The following WDR19 variants were observed in gnomAD, a reference collection of about 807,000 sequenced individuals.
WDR19 encodes the protein WD repeat-containing protein 19.
Under a neutral mutation model 180.0 loss-of-function variants are expected in WDR19, and 121 were observed. The ratio of observed to expected loss-of-function variants is 0.67; its 90% CI spans 0.58 to 0.78. The LOEUF (loss-of-function observed/expected upper bound fraction) is 0.78, where lower values mean the gene tolerates loss of function less well. Ranked by LOEUF, WDR19 falls within the 30% of genes least tolerant of loss-of-function variation. WDR19 has a pLI of 0.00. For synonymous variants in WDR19, 497 were observed against 540.7 expected, an observed-to-expected ratio of 0.92 and a Z score of 1.12; for missense variants, 1,450 against 1,640.7, an observed-to-expected ratio of 0.88 and a Z score of 2.01.
At chr4:39,183,060 T>A (rs1725117885) in intron 1 of WDR19, among the ~76,000 whole-genome samples, 1 of 152,092 alleles carries the variant, frequency 6.6e-6, no homozygotes, top group Non-Finnish European at 1.5e-5. Flanking sequence ...GTATTACCTG[T>A]GACCAGTCCA....
rs369971737 is a variant in WDR19, at chr4:39,280,957, C to T, written c.*13+2294C>T. On this transcript the variant is annotated intron_variant, in intron 36 of 36. Coordinates refer to ENST00000399820, the MANE Select transcript of WDR19 (RefSeq NM_025132.4). ...TTTGCATGTAGATATCCAGCTGACC[C>T]GGCAGAATTTGCTGAAAAGACAAAT... Among the ~76,000 whole-genome samples, 44 of 152,070 alleles carry T rather than the reference C, an allele frequency of 2.9e-4. No homozygotes were observed. The East Asian group carries it at 7.9e-3, about 27-fold the overall frequency.
intron 27 of WDR19, among the ~76,000 whole-genome samples, chr4:39,257,269 A>G (rs1733854576): frequency 6.6e-6 from 1 of 152,196 alleles, no homozygotes; most frequent in Non-Finnish European, 1.5e-5. Context: ...TTTCATCAGG[A>G]CTAGATTCTT....
At chr4:39,232,087 G>T in intron 18 of WDR19, 75 bp from the exon 19 acceptor site, 2 of 1,514,720 alleles carry the variant, frequency 1.3e-6, no homozygotes, top group South Asian at 1.2e-5. Context: ...ACTTCCTACT[G>T]ATCAAAGTCC....
chr4:39,187,293 G>A (rs1175770086), intron 3 of WDR19, among the ~76,000 whole-genome samples: 7 of 151,890 alleles, frequency 4.6e-5, no homozygotes, highest in African/African-American at 7.3e-5. Context: ...GGTGGCATGC[G>A]CCTGTAGTCC....
intron 24 of WDR19, among the ~76,000 whole-genome samples, chr4:39,250,080 G>A (rs890962426): frequency 3.3e-5 from 5 of 152,016 alleles, no homozygotes; most frequent in Non-Finnish European, 7.4e-5. Flanking sequence ...GATGAACATC[G>A]ATGCAAAAAT....
Position 39,203,255 on chromosome 4 carries a change from G to A in WDR19, c.523-387G>A, listed in dbSNP as rs570728525. ...ACTGAGATTACAGATATGAGCCACC[G>A]CACCCATCCTTTAATTAAATTATTG... is the stretch of plus-strand genomic sequence containing the variant. On this transcript the variant is annotated intron_variant, in intron 6 of 36. Transcript: ENST00000399820. Among the ~76,000 whole-genome samples, 306 of 151,394 alleles carry A rather than the reference G, an allele frequency of 2.0e-3. 1 individual carries two copies. The highest frequency in any genetic ancestry group is 6.9e-3 in the African/African-American group (286 of 41,316).
At position 39,205,211 on chromosome 4, in the gene WDR19, A is replaced by C. The variant is rs1432634673; in HGVS notation, c.661A>C (p.Asn221His). The change falls in exon 8 of 37, where the codon AAC becomes CAC. Residue 221 changes from asparagine (N) to histidine (H), a missense_variant. By Grantham distance (68) the Asn-to-His change is moderately conservative (BLOSUM62 1). Coordinates refer to ENST00000399820, the MANE Select transcript of WDR19 (RefSeq NM_025132.4). Reference sequence around the variant, plus strand: ...TTTTTTAAATCTGAATGAACCAGATAACCCAGCTGATCTTGAATTTCAGCA... The same window carrying C: ...TTTTTTAAATCTGAATGAACCAGATCACCCAGCTGATCTTGAATTTCAGCA... ...LFFLNLNEPD[N>H]PADLEFQQDF... The C allele has an allele frequency of 6.2e-7, 1 of 1,603,504 alleles. No individual in the cohort carries two copies. The highest frequency in any genetic ancestry group is 1.1e-5 in the South Asian group (1 of 88,874).
chr4:39,277,694 C>T (rs1736034683), intron 34 of WDR19, among the ~76,000 whole-genome samples: 1 of 152,166 alleles, frequency 6.6e-6, no homozygotes, highest in South Asian at 2.1e-4. Context: ...CTGTTACCCA[C>T]ACATGTGAAA....
chr4:39,240,104 G>C (rs1241472390), intron 20 of WDR19, among the ~76,000 whole-genome samples, 173 bp from the exon 21 acceptor site: 1 of 147,478 alleles, frequency 6.8e-6, no homozygotes, highest in Non-Finnish European at 1.5e-5. Flanking sequence ...TTGAGCCAGT[G>C]AGGTCGTGGC....
intron 31 of WDR19, 123 bp downstream of exon 31, chr4:39,270,223 AAAACAAG>A: frequency 1.5e-6 from 2 of 1,317,358 alleles, no homozygotes; most frequent in Non-Finnish European, 2.1e-6. Flanking sequence ...GTTAAGTAAC[AAAACAAG>A]ATACAGAACA....
intron 9 of WDR19, among the ~76,000 whole-genome samples, chr4:39,208,595 G>T (rs1285598938): frequency 2.0e-5 from 3 of 152,012 alleles, no homozygotes; most frequent in Non-Finnish European, 4.4e-5. Context: ...GAGCCACCAC[G>T]CCCAGCCTAG....
At chr4:39,248,863 A>G (rs1732817641) in intron 24 of WDR19, among the ~76,000 whole-genome samples, 3 of 152,200 alleles carry the variant, frequency 2.0e-5, no homozygotes, top group Admixed American at 2.0e-4. Flanking sequence ...GCAAGTCCTT[A>G]CTGACCTACA....
rs560840693 is a variant in WDR19, at chr4:39,222,995, T to TC, written c.1480-1888dup. 1.5e-4 allele frequency among the ~76,000 whole-genome samples: 23 copies of TC among 152,342 alleles called. No individual in the cohort carries two copies. The East Asian group carries it at 2.1e-3, about 14-fold the overall frequency. On this transcript the variant is annotated intron_variant, in intron 14 of 36. Transcript: ENST00000399820. The stretch of plus-strand genomic sequence containing the variant: ...CAATATTTTGAGATTGGCTTTTTTT[T>TC]CACTCAGCAGACTTCTCTGGAGATT...
intron 9 of WDR19, chr4:39,206,229 A>C (rs1042163339): frequency 1.3e-5 from 2 of 152,374 alleles, no homozygotes; most frequent in African/African-American, 2.4e-5. Flanking sequence ...CTTAAGTTGC[A>C]GGAAAGAGAA....
chr4:39,283,436 A>G (rs1006148547), intron 36 of WDR19, among the ~76,000 whole-genome samples: 6 of 151,660 alleles, frequency 4.0e-5, no homozygotes, highest in East Asian at 1.9e-4. Flanking sequence ...TAGGTCTACA[A>G]TTTTGTTACT....
chr4:39,206,744 G>T (rs752672873), intron 9 of WDR19, among the ~76,000 whole-genome samples: 46 of 152,292 alleles, frequency 3.0e-4, no homozygotes, highest in Non-Finnish European at 1.8e-4. Flanking sequence ...CATAGCCAAG[G>T]TCTTATACTA....
intron 12 of WDR19, 113 bp from the exon 13 acceptor site, chr4:39,217,021 A>G (rs982635727): frequency 4.7e-6 from 3 of 637,768 alleles, no homozygotes; most frequent in Non-Finnish European, 8.0e-6. Context: ...ATTAAAATGA[A>G]ATTTTAAGTT....
intron 6 of WDR19, 47 bp from the exon 7 acceptor site, chr4:39,203,595 T>G (rs368331827): frequency 6.8e-7 from 1 of 1,471,846 alleles, no homozygotes; most frequent in African/African-American, 1.4e-5. Context: ...TCAGAATGAA[T>G]TTAAATATTG....
intron 25 of WDR19, 143 bp from the exon 26 acceptor site, chr4:39,253,763 A>AGT (rs1392021920): frequency 3.4e-6 from 2 of 584,268 alleles, no homozygotes; most frequent in African/African-American, 1.9e-5. Context: ...TGGGTGACAG[A>AGT]GTGTGACTCC....
Sources: gnomAD v4.1 joint callset for allele counts (sites outside exome capture counted in the v4.1 genomes callset) on GRCh38, gnomAD v4.1.1 for gene constraint, MANE v1.5 for transcripts, NCBI Gene and HGNC (gene_info 2026-07-23, HGNC 2026-07-21) for gene names.